AMDHD1: variants seen among roughly 807,000 people sequenced by gnomAD.
The protein encoded by AMDHD1 is probable imidazolonepropionase.
In AMDHD1, 45 loss-of-function variants were observed where a neutral mutation model predicts 44.1. The observed-to-expected ratio is 1.02, with a 90% CI of 0.80 to 1.31. The LOEUF (loss-of-function observed/expected upper bound fraction) is 1.31. AMDHD1 is among the 50% of genes most tolerant of loss of function. AMDHD1 has a pLI of 0.00. For synonymous variants in AMDHD1, 206 were observed against 205.0 expected (o/e 1.00, Z -0.04); for missense variants, 586 against 552.1 (o/e 1.06, Z -0.61).
At chr12:95,961,358 T>C (rs1056777669) in intron 5 of AMDHD1, among the ~76,000 whole-genome samples, 1 of 152,172 alleles carries the variant, frequency 6.6e-6, no homozygotes, top group Admixed American at 6.5e-5. Flanking sequence ...ATATCTTTGC[T>C]CAAATTAATT....
chr12:95,951,139 T>G (rs1356592138), intron 1 of AMDHD1, among the ~76,000 whole-genome samples: 2 of 152,180 alleles, frequency 1.3e-5, no homozygotes, highest in Non-Finnish European at 2.9e-5. Context: ...TTATTGCTGA[T>G]TGTAGTCACC....
chr12:95,954,791 C>T, intron 2 of AMDHD1, 120 bp from the exon 3 acceptor site: 1 of 842,436 alleles, frequency 1.2e-6, no homozygotes, highest in East Asian at 2.6e-5. Context: ...CATGCTCCTC[C>T]AAAATGGATG....
At position 95,953,131 on chromosome 12, in the gene AMDHD1, C is replaced by T. The variant is rs987452958; in HGVS notation, c.244+308C>T. ...GGAAACAGACAACCTAGGAATCAAGCCCATTCATTCGACTCCACTTCTTCC... is the reference window on the plus strand; with the variant it reads ...GGAAACAGACAACCTAGGAATCAAGTCCATTCATTCGACTCCACTTCTTCC... On this transcript the variant is annotated intron_variant, in intron 2 of 8. Coordinates refer to ENST00000266736, the MANE Select transcript of AMDHD1 (RefSeq NM_152435.3). 2.6e-5 allele frequency among the ~76,000 whole-genome samples: 4 copies of T among 152,288 alleles called. No homozygotes were observed. The South Asian group carries it at 8.3e-4, about 32-fold the overall frequency.
chr12:95,965,023 G>T (rs2080602472), intron 6 of AMDHD1, among the ~76,000 whole-genome samples: 1 of 148,734 alleles, frequency 6.7e-6, no homozygotes, highest in Admixed American at 6.8e-5. Context: ...TTGTGGCTGG[G>T]CACAGTGGCT....
At chr12:95,967,709 CT>C in intron 8 of AMDHD1, 46 bp from the exon 9 acceptor site, 1 of 1,366,936 alleles carries the variant, frequency 7.3e-7, no homozygotes, top group East Asian at 2.5e-5. Context: ...ATAATTTTTA[CT>C]TGCACACATT....
chr12:95,962,134 CACA>C (rs2080585306), intron 5 of AMDHD1, among the ~76,000 whole-genome samples: 1 of 152,172 alleles, frequency 6.6e-6, no homozygotes, highest in Non-Finnish European at 1.5e-5. Context: ...GGCATGGTGG[CACA>C]CGCCTGTGGC....
rs563904116 is a variant in AMDHD1 at position 95,953,127 on chromosome 12, CA to C, written c.244+306del. On this transcript the variant is annotated intron_variant, in intron 2 of 8. Coordinates refer to ENST00000266736, the MANE Select transcript of AMDHD1 (RefSeq NM_152435.3). ...AACAGGAAACAGACAACCTAGGAAT[CA>C]AGCCCATTCATTCGACTCCACTTCT... is the stretch of plus-strand genomic sequence containing the variant. Among the ~76,000 whole-genome samples, 569 of 152,300 alleles carry C rather than the reference CA, an allele frequency of 3.7e-3. 1 individual carries two copies. The highest frequency in any genetic ancestry group is 0.013 in the African/African-American group (521 of 41,580).
At chr12:95,963,197 A>G (rs1421656289) in intron 6 of AMDHD1, among the ~76,000 whole-genome samples, 1 of 152,166 alleles carries the variant, frequency 6.6e-6, no homozygotes, top group African/African-American at 2.4e-5. Context: ...TGTAGCTAGG[A>G]CATGTGGTCT....
chr12:95,968,439 T>C lies in AMDHD1; in HGVS notation c.*596T>C, dbSNP rs1798980143. The C allele has an allele frequency of 6.6e-6, 1 of 152,264 alleles. No individual in the cohort carries two copies. Among genetic ancestry groups the C allele is most frequent in the African/African-American group, 2.4e-5 (1 of 41,458 alleles). The allele number at this position is 152,264 out of a possible 1,614,324, so 9.4% of individuals were successfully genotyped here. On this transcript the variant is annotated 3_prime_UTR_variant, in exon 9 of 9. Transcript: ENST00000266736. ...AGCAGCGTTCAAGACACATCATTTATACACAGGCACAGGGGCCTTCCTGAA... is the reference window on the plus strand; with the variant it reads ...AGCAGCGTTCAAGACACATCATTTACACACAGGCACAGGGGCCTTCCTGAA...
chr12:95,963,502 C>T (rs556640989), intron 6 of AMDHD1, among the ~76,000 whole-genome samples: 1 of 152,314 alleles, frequency 6.6e-6, no homozygotes, highest in South Asian at 2.1e-4. Flanking sequence ...CAGTGCTTTT[C>T]TCAAATCTAC....
intron 5 of AMDHD1, 57 bp downstream of exon 5, chr12:95,960,680 A>T: frequency 2.0e-6 from 3 of 1,510,714 alleles, no homozygotes; most frequent in Non-Finnish European, 2.7e-6. Flanking sequence ...CATTCATGCT[A>T]TGGGAAACTT....
intron 4 of AMDHD1, 58 bp downstream of exon 4, chr12:95,957,020 G>C (rs928879534): frequency 3.8e-6 from 6 of 1,595,558 alleles, no homozygotes; most frequent in Non-Finnish European, 5.1e-6. Context: ...CGAACCCCGG[G>C]GGTGGAGGCG....
chr12:95,955,679 G>T (rs1220983562), intron 3 of AMDHD1, among the ~76,000 whole-genome samples: 3 of 152,180 alleles, frequency 2.0e-5, no homozygotes, highest in African/African-American at 4.8e-5. Context: ...CTCTCATTAT[G>T]TAGATGGAGA....
At chr12:95,958,714 C>T (rs1027699379) in intron 4 of AMDHD1, among the ~76,000 whole-genome samples, 1 of 152,144 alleles carries the variant, frequency 6.6e-6, no homozygotes, top group African/African-American at 2.4e-5. Flanking sequence ...ATCTGTGAAA[C>T]AGAGCTAAAT....
chr12:95,957,869 A>G (rs1224063975), intron 4 of AMDHD1, among the ~76,000 whole-genome samples: 2 of 152,172 alleles, frequency 1.3e-5, no homozygotes, highest in Non-Finnish European at 2.9e-5. Flanking sequence ...CCTGGCCAAC[A>G]TGGTGAAACC....
intron 6 of AMDHD1, among the ~76,000 whole-genome samples, chr12:95,963,657 A>G (rs2080594266): frequency 6.6e-6 from 1 of 152,238 alleles, no homozygotes; most frequent in Non-Finnish European, 1.5e-5. Context: ...TTCAAGTGTC[A>G]TCAGTCTAAG....
chr12:95,952,336 C>T (rs1298436219), intron 1 of AMDHD1, among the ~76,000 whole-genome samples: 1 of 152,196 alleles, frequency 6.6e-6, no homozygotes, highest in Non-Finnish European at 1.5e-5. Context: ...ACGTTCTTGG[C>T]ATCTTTGCTG....
At chr12:95,956,395 A>G (rs1262125743) in intron 3 of AMDHD1, among the ~76,000 whole-genome samples, 1 of 152,160 alleles carries the variant, frequency 6.6e-6, no homozygotes, top group African/African-American at 2.4e-5. Flanking sequence ...GGCGTGAGCC[A>G]CCGCGCCAGG....
chr12:95,949,810 T>C (rs1242964529), intron 1 of AMDHD1, among the ~76,000 whole-genome samples: 3 of 152,316 alleles, frequency 2.0e-5, no homozygotes, highest in African/African-American at 7.2e-5. Flanking sequence ...AAAACACTTT[T>C]GGGGGAATGC....
Sources: gnomAD v4.1 joint callset for allele counts (sites outside exome capture counted in the v4.1 genomes callset) on GRCh38, gnomAD v4.1.1 for gene constraint, MANE v1.5 for transcripts, NCBI Gene and HGNC (gene_info 2026-07-23, HGNC 2026-07-21) for gene names.